EFHC2: variants seen among roughly 807,000 people sequenced by gnomAD.
EFHC2 encodes the protein EF-hand domain-containing family member C2.
Under a neutral mutation model 52.7 loss-of-function variants are expected in EFHC2, and 18 were observed. That is an observed-to-expected ratio of 0.34 (90% CI 0.24 to 0.51). EFHC2 has a LOEUF of 0.51. EFHC2 is among the 20% of genes least tolerant of loss of function. The pLI, the probability that EFHC2 is intolerant of heterozygous loss-of-function variation, is 0.97. For missense variants in EFHC2, 513 were observed against 562.5 expected (o/e 0.91, Z 0.89); for synonymous variants, 203 against 204.1 (o/e 0.99, Z 0.04).
At chrX:44,335,899 T>C in intron 1 of EFHC2, among the ~76,000 whole-genome samples, 1 of 112,375 alleles carries the variant, frequency 8.9e-6, no homozygotes, top group Non-Finnish European at 1.9e-5. Context: ...GTATCCAGAC[T>C]ATATTAAAAA....
In EFHC2 at chrX:44,232,587, G is replaced by A; in HGVS notation, c.1514C>T (p.Ala505Val). Residue 505 changes from alanine (A) to valine (V), a missense_variant, in exon 10 of 15, where the codon GCC (alanine) becomes GTC (valine). Coordinates refer to ENST00000420999, the MANE Select transcript of EFHC2 (RefSeq NM_025184.4). ...CGTGACTCCAATGTACAGCTCCTCG[G>A]CCTTGATATATTCAGATAGTTCACT... ...FKSELSEYIK[A>V]EELYIGVTVN... 5.0e-6 allele frequency: 6 copies of A among 1,194,794 alleles called. No homozygotes were observed. In the South Asian group the frequency reaches 1.1e-4, roughly 22 times the overall value.
At chrX:44,153,292 G>A (rs1380007241) in intron 14 of EFHC2, among the ~76,000 whole-genome samples, 2 of 111,921 alleles carry the variant, frequency 1.8e-5, no homozygotes, top group Non-Finnish European at 3.8e-5. Flanking sequence ...AAAGATAACA[G>A]CAGTCCATTT....
At chrX:44,257,294 G>T (rs143115993) in intron 4 of EFHC2, among the ~76,000 whole-genome samples, 3,105 of 111,148 alleles carry the variant, frequency 0.028, 113 homozygotes, top group African/African-American at 0.096. Flanking sequence ...GGAAGTTCTG[G>T]CCAGGGCAAG....
chrX:44,297,015 G>A (rs1002849412), intron 2 of EFHC2, among the ~76,000 whole-genome samples: 1 of 111,850 alleles, frequency 8.9e-6, no homozygotes, highest in African/African-American at 3.2e-5. Context: ...ACTTCCCCTA[G>A]GAAAACTGCT....
intron 10 of EFHC2, among the ~76,000 whole-genome samples, chrX:44,230,079 C>T (rs2147320481): frequency 9.0e-6 from 1 of 111,290 alleles, no homozygotes; most frequent in East Asian, 2.8e-4. Flanking sequence ...TCCCTCTAAC[C>T]CTTGGATAGT....
At chrX:44,255,175 A>C (rs752880088) in intron 4 of EFHC2, among the ~76,000 whole-genome samples, 4 of 112,304 alleles carry the variant, frequency 3.6e-5, no homozygotes, top group African/African-American at 9.7e-5. Flanking sequence ...AAACATACCA[A>C]ATTATAAAGA....
chrX:44,269,901 C>A (rs1442861308), intron 3 of EFHC2, among the ~76,000 whole-genome samples: 1 of 111,558 alleles, frequency 9.0e-6, no homozygotes, highest in Non-Finnish European at 1.9e-5. Flanking sequence ...AAGGTAGGCA[C>A]TTTTTCATTA....
chrX:44,214,793 G>C (rs1456354368), intron 11 of EFHC2, among the ~76,000 whole-genome samples: 2 of 112,100 alleles, frequency 1.8e-5, no homozygotes, highest in African/African-American at 3.2e-5. Flanking sequence ...ATTATGCATG[G>C]TTTTATACTT....
intron 2 of EFHC2, among the ~76,000 whole-genome samples, chrX:44,304,186 C>T (rs1041221185): frequency 7.6e-5 from 8 of 105,887 alleles, no homozygotes; most frequent in African/African-American, 2.8e-4. Context: ...TAGTGGGTGC[C>T]TGATGTAATT....
At chrX:44,160,888 C>A (rs747324393) in intron 14 of EFHC2, among the ~76,000 whole-genome samples, 1 of 110,113 alleles carries the variant, frequency 9.1e-6, no homozygotes, top group African/African-American at 3.3e-5. Context: ...CACCACTGCA[C>A]ACCAGCTTGG....
In EFHC2 at chrX:44,272,733, G is replaced by A; in HGVS notation, c.335C>T (p.Thr112Ile). 8.5e-7 allele frequency: 1 copy of A among 1,169,961 alleles called. No individual in the cohort carries two copies. Among genetic ancestry groups the A allele is most frequent in the Non-Finnish European group, 1.1e-6 (1 of 873,485 alleles). ...YKIYFYPEDD[T>I]IQVNEPEVKN... ...CACCTCTGGTTCATTTACTTGAATT[G>A]TGTCATCTTCAGGGTAGAAGTAGAT... Residue 112 changes from threonine (T) to isoleucine (I), a missense_variant, in exon 3 of 15, where the codon ACA becomes ATA. Thr to Ile is a moderately conservative substitution (Grantham distance 89). Transcript: ENST00000420999.
At chrX:44,228,525 GTGTA>G (rs1470294584) in intron 11 of EFHC2, among the ~76,000 whole-genome samples, 1 of 112,020 alleles carries the variant, frequency 8.9e-6, no homozygotes, top group Non-Finnish European at 1.9e-5. Context: ...CTATGAACAT[GTGTA>G]TGTGACTATG....
chrX:44,335,788 C>T (rs931261952), intron 1 of EFHC2, among the ~76,000 whole-genome samples: 2 of 111,844 alleles, frequency 1.8e-5, no homozygotes, highest in Non-Finnish European at 3.8e-5. Flanking sequence ...AATATATGTA[C>T]ATATTTTTTA....
At position 44,174,325 on chromosome X, in the gene EFHC2, G is replaced by A. The variant is rs984258220; in HGVS notation, c.2042+1967C>T. Among the ~76,000 whole-genome samples the A allele has an allele frequency of 2.7e-5, 3 of 111,039 alleles. No individual in the cohort carries two copies. The Admixed American group carries it at 2.9e-4, about 11-fold the overall frequency. On this transcript the variant is annotated intron_variant, in intron 13 of 14. Coordinates refer to ENST00000420999, the MANE Select transcript of EFHC2 (RefSeq NM_025184.4). ...ATTTAAGAGATGGGAGTGGAGGAGGGGGGTAAAATTGTCAGGATGTGACAA... is the reference window on the plus strand; with the variant it reads ...ATTTAAGAGATGGGAGTGGAGGAGGAGGGTAAAATTGTCAGGATGTGACAA...
intron 2 of EFHC2, among the ~76,000 whole-genome samples, chrX:44,302,209 A>G (rs2037873725): frequency 1.8e-5 from 2 of 111,711 alleles, no homozygotes; most frequent in African/African-American, 6.5e-5. Flanking sequence ...AGCCATTCTA[A>G]TGGGGATGTA....
Position 44,248,298 on chromosome X carries a change from G to A in EFHC2, c.1085C>T (p.Ser362Phe). The A allele has an allele frequency of 3.5e-6, 4 of 1,159,156 alleles. No homozygotes were observed. In the South Asian group the frequency reaches 7.7e-5, roughly 22 times the overall value. Residue 362 changes from serine to phenylalanine, a missense_variant, in exon 7 of 15, where the codon TCT becomes TTT. Physicochemically the swap from Ser to Phe is radical, Grantham distance 155 (BLOSUM62 -2). Coordinates refer to ENST00000420999, the MANE Select transcript of EFHC2 (RefSeq NM_025184.4). ...AATTCCATATTTAGACTTATAATAA[G>A]ACTTCGTAAATTCATCACAGTCATA... is the stretch of plus-strand genomic sequence containing the variant. ...LLYDCDEFTK[S>F]YYKSKYGIEN...
At chrX:44,295,808 T>C (rs922232904) in intron 2 of EFHC2, among the ~76,000 whole-genome samples, 25 of 111,329 alleles carry the variant, frequency 2.2e-4, no homozygotes, top group Admixed American at 7.6e-4. Flanking sequence ...ATATATCATT[T>C]AGTAAGTTAA....
intron 4 of EFHC2, among the ~76,000 whole-genome samples, chrX:44,251,352 A>G (rs1569293894): frequency 9.6e-6 from 1 of 103,995 alleles, no homozygotes; most frequent in Non-Finnish European, 2.0e-5. Flanking sequence ...GGTGGCTCAC[A>G]CCTGTAATCT....
At chrX:44,191,687 A>C (rs2036921474) in intron 11 of EFHC2, among the ~76,000 whole-genome samples, 1 of 112,134 alleles carries the variant, frequency 8.9e-6, no homozygotes, top group Admixed American at 9.5e-5. Context: ...AATTAGCCTA[A>C]GGGAAAATTG....
Sources: allele counts gnomAD v4.1 joint callset (sites outside exome capture counted in the v4.1 genomes callset), GRCh38; gene constraint gnomAD v4.1.1; transcripts MANE v1.5; gene names NCBI Gene and HGNC (gene_info 2026-07-23, HGNC 2026-07-21).